SUPT3H: variants seen among roughly 807,000 people sequenced by gnomAD.
SUPT3H encodes the protein SPT3 homolog, SAGA and STAGA complex component.
Under a neutral mutation model 44.3 loss-of-function variants are expected in SUPT3H, and 44 were observed. The ratio of observed to expected loss-of-function variants is 0.99; its 90% CI spans 0.78 to 1.28. The LOEUF is 1.28. Among genes scored for constraint, SUPT3H ranks in the 50% most tolerant of loss-of-function variants. The pLI is 0.00. For missense variants in SUPT3H, 380 were observed against 387.1 expected (o/e 0.98, Z 0.15); for synonymous variants, 124 against 125.6 (o/e 0.99, Z 0.09).
chr6:44,973,866 CACTT>C (rs1265313539), intron 6 of SUPT3H, among the ~76,000 whole-genome samples: 20 of 152,148 alleles, frequency 1.3e-4, no homozygotes, highest in Non-Finnish European at 2.4e-4. Flanking sequence ...CCTGAGAACT[CACTT>C]ACTACCATGA....
At chr6:45,235,174 T>C (rs1371599737) in intron 2 of SUPT3H, among the ~76,000 whole-genome samples, 2 of 152,192 alleles carry the variant, frequency 1.3e-5, no homozygotes, top group Non-Finnish European at 2.9e-5. Flanking sequence ...AGGGAAATGA[T>C]ATATATGTTT....
chr6:45,062,741 C>A (rs994936652), intron 3 of SUPT3H, among the ~76,000 whole-genome samples: 2 of 152,090 alleles, frequency 1.3e-5, no homozygotes, highest in Non-Finnish European at 1.5e-5. Context: ...CCGAATATTG[C>A]GCTTTTCACA....
intron 10 of SUPT3H, among the ~76,000 whole-genome samples, chr6:44,886,994 A>G (rs1762409022): frequency 6.6e-6 from 1 of 152,148 alleles, no homozygotes; most frequent in Non-Finnish European, 1.5e-5. Flanking sequence ...CAGACTTTAA[A>G]CCAACAAAGA....
intron 3 of SUPT3H, among the ~76,000 whole-genome samples, chr6:45,060,661 A>C (rs1791852230): frequency 6.6e-6 from 1 of 152,154 alleles, no homozygotes; most frequent in African/African-American, 2.4e-5. Flanking sequence ...CAGACAACCT[A>C]ACCTACAGAA....
rs181818069 is a variant in SUPT3H, at chr6:45,200,757, T to C, written c.102-94751A>G. Among the ~76,000 whole-genome samples the C allele has an allele frequency of 2.0e-3, 298 of 147,136 alleles. 3 individuals carry two copies. The highest frequency in any genetic ancestry group is 7.6e-3 in the African/African-American group (285 of 37,652). On this transcript the variant is annotated intron_variant, in intron 2 of 10. Coordinates refer to ENST00000371459, the MANE Select transcript of SUPT3H (RefSeq NM_003599.4). ...TGAAAAGCATCACTGTAATATAAGA[T>C]TTTTTTTTAATTTGAAAGAAGAAAA...
chr6:45,356,815 A>G (rs1353888283), intron 2 of SUPT3H, among the ~76,000 whole-genome samples: 1 of 152,224 alleles, frequency 6.6e-6, no homozygotes, highest in Non-Finnish European at 1.5e-5. Context: ...CAGAACCAGC[A>G]AAAAGTCAAA....
intron 2 of SUPT3H, among the ~76,000 whole-genome samples, chr6:45,279,603 T>C (rs995018362): frequency 6.6e-6 from 1 of 152,170 alleles, no homozygotes; most frequent in Non-Finnish European, 1.5e-5. Flanking sequence ...CCACCACGAC[T>C]GTAAACTTTC....
chr6:44,973,958 G>A (rs1164332737), intron 6 of SUPT3H, among the ~76,000 whole-genome samples: 2 of 152,096 alleles, frequency 1.3e-5, no homozygotes, highest in African/African-American at 4.8e-5. Flanking sequence ...AGGATTATGG[G>A]AACTACAATT....
rs76846850 is a variant in SUPT3H, at chr6:44,829,152, A to G, written c.*664T>C. The G allele has an allele frequency of 0.011, 1,638 of 152,466 alleles. 34 individuals are homozygous for G. Among genetic ancestry groups the G allele is most frequent in the African/African-American group, 0.037 (1,544 of 41,522 alleles). The allele number at this position is 152,466 out of a possible 1,614,324, so 9.4% of individuals were successfully genotyped here. On this transcript the variant is annotated 3_prime_UTR_variant, in exon 11 of 11. Coordinates refer to ENST00000371459, the MANE Select transcript of SUPT3H (RefSeq NM_003599.4). ...GATTGGAGGAACAGGAAAAGGAGGG[A>G]AATGAAGATGGAGGAAGAGGTTCTG...
chr6:45,320,323 G>C (rs539632991), intron 2 of SUPT3H, among the ~76,000 whole-genome samples: 1 of 152,014 alleles, frequency 6.6e-6, no homozygotes. Context: ...TAGTGCAGTG[G>C]CAAGTACACA....
intron 2 of SUPT3H, among the ~76,000 whole-genome samples, chr6:45,113,104 GT>G (rs11349771): frequency 0.64 from 94,120 of 148,204 alleles, 30,181 homozygotes; most frequent in African/African-American, 0.77. Flanking sequence ...CAAAAGAAAG[GT>G]TTTTTTTTTT....
chr6:45,277,392 G>A (rs545775899), intron 2 of SUPT3H, among the ~76,000 whole-genome samples: 1 of 152,150 alleles, frequency 6.6e-6, no homozygotes, highest in African/African-American at 2.4e-5. Flanking sequence ...AAACGTACAG[G>A]TTTATATGGA....
intron 2 of SUPT3H, chr6:45,321,892 C>A: frequency 1.3e-6 from 2 of 1,536,864 alleles, no homozygotes; most frequent in Admixed American, 1.9e-5. Context: ...CCCTATGAAG[C>A]TAGAAAAAAA....
At chr6:45,116,615 G>T (rs1431079507) in intron 2 of SUPT3H, among the ~76,000 whole-genome samples, 1 of 152,096 alleles carries the variant, frequency 6.6e-6, no homozygotes, top group Non-Finnish European at 1.5e-5. Flanking sequence ...CTGATGAAAT[G>T]ACAAATCCTT....
At chr6:45,333,078 T>A (rs1469546550) in intron 2 of SUPT3H, among the ~76,000 whole-genome samples, 1 of 151,756 alleles carries the variant, frequency 6.6e-6, no homozygotes, top group Non-Finnish European at 1.5e-5. Context: ...GTCTAAAGCA[T>A]GTGAAAATTC....
intron 2 of SUPT3H, among the ~76,000 whole-genome samples, chr6:45,356,621 G>A (rs544347577): frequency 6.6e-6 from 1 of 151,766 alleles, no homozygotes; most frequent in Non-Finnish European, 1.5e-5. Context: ...GGCTGGTCTC[G>A]AACTCCTGAC....
In SUPT3H at chr6:44,982,933, G is replaced by A. The variant is rs55820649; in HGVS notation, c.504+20720C>T. Among the ~76,000 whole-genome samples the A allele has an allele frequency of 8.6e-3, 1,315 of 152,216 alleles. 23 individuals carry two copies. The highest frequency in any genetic ancestry group is 0.03 in the African/African-American group (1,239 of 41,542). On this transcript the variant is annotated intron_variant, in intron 6 of 10. Transcript: ENST00000371459. ...AGGTCCAACACAAGAAATCTAAGAAGATGTTCTAAAGAACTTTGCAAAAGG... is the reference window on the plus strand; with the variant it reads ...AGGTCCAACACAAGAAATCTAAGAAAATGTTCTAAAGAACTTTGCAAAAGG...
At chr6:44,993,642 C>A (rs1780894399) in intron 6 of SUPT3H, among the ~76,000 whole-genome samples, 1 of 152,072 alleles carries the variant, frequency 6.6e-6, no homozygotes, top group African/African-American at 2.4e-5. Context: ...AATAATACTA[C>A]CTCGTCTACA....
chr6:45,322,838 A>T (rs1423807949), intron 2 of SUPT3H: 3 of 1,509,498 alleles, frequency 2.0e-6, no homozygotes, highest in East Asian at 2.3e-5. Context: ...CCACAGTTAG[A>T]TTCATCCAAA....
Sources: allele counts gnomAD v4.1 joint callset (sites outside exome capture counted in the v4.1 genomes callset), GRCh38; gene constraint gnomAD v4.1.1; transcripts MANE v1.5; gene names NCBI Gene and HGNC (gene_info 2026-07-23, HGNC 2026-07-21).